Variants in PCDH15 observed in about 807,000 individuals in gnomAD.
PCDH15 encodes the protein protocadherin related 15, also known as protocadherin-15.
PCDH15 carries 129 observed loss-of-function variants against 178.5 expected under a neutral mutation model. The ratio of observed to expected loss-of-function variants is 0.72; its 90% CI spans 0.63 to 0.84. The LOEUF (loss-of-function observed/expected upper bound fraction) is 0.84. Among genes scored for constraint, PCDH15 ranks in the 40% least tolerant of loss-of-function variants. The pLI, the probability that PCDH15 is intolerant of heterozygous loss-of-function variation, is 0.00. For synonymous variants in PCDH15, 800 were observed against 732.0 expected (o/e 1.09, Z -1.50); for missense variants, 2,230 against 2,099.9 (o/e 1.06, Z -1.21).
chr10:54,743,140 A>T (rs1329764019), intron 1 of PCDH15, among the ~76,000 whole-genome samples: 1 of 152,052 alleles, frequency 6.6e-6, no homozygotes, highest in East Asian at 1.9e-4. Flanking sequence ...ATGGAATGGC[A>T]AGTGAAAATC....
chr10:54,254,302 T>C (rs910963348), intron 8 of PCDH15, among the ~76,000 whole-genome samples: 1 of 152,126 alleles, frequency 6.6e-6, no homozygotes, highest in Non-Finnish European at 1.5e-5. Context: ...AAAACAGCAA[T>C]GCTAAAAATA....
intron 6 of PCDH15, 61 bp downstream of exon 6, chr10:54,346,304 G>GA (rs1416147791): frequency 1.0e-5 from 16 of 1,526,816 alleles, no homozygotes; most frequent in Admixed American, 1.7e-5. Flanking sequence ...ACTATCAGCT[G>GA]AAAAAATCAT....
At chr10:55,307,826 TA>T (rs1937357210) in intron 1 of PCDH15, among the ~76,000 whole-genome samples, 1 of 151,244 alleles carries the variant, frequency 6.6e-6, no homozygotes, top group African/African-American at 2.4e-5. Flanking sequence ...TCCTACTAAT[TA>T]TTTTTGATTT....
At chr10:54,141,458 A>G (rs2043401077) in intron 14 of PCDH15, among the ~76,000 whole-genome samples, 1 of 152,224 alleles carries the variant, frequency 6.6e-6, no homozygotes, top group African/African-American at 2.4e-5. Flanking sequence ...AAGTGTTTAA[A>G]TGATGTTTAT....
At chr10:54,296,436 C>T (rs962519767) in intron 8 of PCDH15, among the ~76,000 whole-genome samples, 13 of 152,114 alleles carry the variant, frequency 8.5e-5, no homozygotes, top group African/African-American at 2.9e-4. Flanking sequence ...TCTCTCCTAT[C>T]TATCCTGACC....
At chr10:54,273,785 A>G (rs2058184005) in intron 8 of PCDH15, among the ~76,000 whole-genome samples, 1 of 152,108 alleles carries the variant, frequency 6.6e-6, no homozygotes, top group Non-Finnish European at 1.5e-5. Flanking sequence ...TTGCAATTTT[A>G]GAGGATAACA....
At position 54,228,103 on chromosome 10, in the gene PCDH15, G is replaced by T. The variant is rs186669859; in HGVS notation, c.985+8720C>A. Among the ~76,000 whole-genome samples the T allele has an allele frequency of 1.4e-3, 214 of 152,154 alleles. 1 individual carries two copies. The highest frequency in any genetic ancestry group is 5.0e-3 in the African/African-American group (207 of 41,534). ...TCCAAAGTCGTTTCTGCATTTTTGG[G>T]TCTCTTTTCAGCAACACCCCACTCC... is the stretch of plus-strand genomic sequence containing the variant. On this transcript the variant is annotated intron_variant, in intron 9 of 37. Coordinates refer to ENST00000644397, the MANE Select transcript of PCDH15 (RefSeq NM_001384140.1).
intron 19 of PCDH15, among the ~76,000 whole-genome samples, chr10:54,022,385 G>A (rs796578914): frequency 2.6e-5 from 4 of 152,070 alleles, no homozygotes; most frequent in African/African-American, 9.6e-5. Context: ...GTAAAATAGA[G>A]GGGAAACCAA....
At chr10:54,381,805 G>T (rs760552768) in intron 3 of PCDH15, among the ~76,000 whole-genome samples, 1 of 151,994 alleles carries the variant, frequency 6.6e-6, no homozygotes, top group Non-Finnish European at 1.5e-5. Flanking sequence ...TTCAGAAAAT[G>T]GAATTAAATT....
chr10:55,077,498 C>T (rs1479711363), intron 2 of PCDH15, among the ~76,000 whole-genome samples: 2 of 141,382 alleles, frequency 1.4e-5, no homozygotes, highest in Non-Finnish European at 1.5e-5. Flanking sequence ...TCCTTCTTTC[C>T]TTTCCTTCCT....
At chr10:54,272,614 A>G (rs2058115130) in intron 8 of PCDH15, among the ~76,000 whole-genome samples, 1 of 152,142 alleles carries the variant, frequency 6.6e-6, no homozygotes, top group African/African-American at 2.4e-5. Context: ...ACAATTTAAT[A>G]ATGCAGTCAA....
intron 32 of PCDH15, chr10:53,822,040 C>T (rs2076303863): frequency 6.2e-7 from 1 of 1,614,054 alleles, no homozygotes; most frequent in Non-Finnish European, 8.5e-7. Context: ...ATGTTAGCTA[C>T]TGATTTTTCA....
At chr10:54,128,887 A>G (rs1052895050) in intron 15 of PCDH15, among the ~76,000 whole-genome samples, 3 of 152,186 alleles carry the variant, frequency 2.0e-5, no homozygotes, top group Non-Finnish European at 4.4e-5. Flanking sequence ...ATTTACCCCA[A>G]TATAACATCA....
intron 2 of PCDH15, among the ~76,000 whole-genome samples, chr10:55,160,627 C>T (rs1839040675): frequency 6.6e-6 from 1 of 152,090 alleles, no homozygotes; most frequent in South Asian, 2.1e-4. Flanking sequence ...TTCTTCAGCA[C>T]CTTTGCATTT....
chr10:55,027,862 C>T (rs1198136894), intron 2 of PCDH15, among the ~76,000 whole-genome samples: 1 of 151,768 alleles, frequency 6.6e-6, no homozygotes, highest in East Asian at 1.9e-4. Context: ...TTTCAATATA[C>T]TGATTCATTC....
intron 28 of PCDH15, among the ~76,000 whole-genome samples, chr10:53,850,971 C>T (rs1230075146): frequency 2.0e-5 from 3 of 152,076 alleles, no homozygotes; most frequent in Non-Finnish European, 4.4e-5. Flanking sequence ...CTTTCCATCT[C>T]ACACAGAATA....
At chr10:54,725,533 A>AATATATTTATATAT (rs1942353008) in intron 1 of PCDH15, among the ~76,000 whole-genome samples, 2 of 128,002 alleles carry the variant, frequency 1.6e-5, no homozygotes, top group Non-Finnish European at 3.7e-5. Context: ...TGTTTATATA[A>AATATATTTATATAT]ATATAATTAT....
intron 3 of PCDH15, among the ~76,000 whole-genome samples, chr10:54,852,668 T>C (rs920479989): frequency 6.6e-6 from 1 of 151,564 alleles, no homozygotes; most frequent in Non-Finnish European, 1.5e-5. Flanking sequence ...TTGGCTAAGA[T>C]GGTGAAACCC....
chr10:54,420,295 A>T lies in PCDH15; in HGVS notation c.158-41353T>A, dbSNP rs755246314. Among the ~76,000 whole-genome samples the T allele has an allele frequency of 2.0e-5, 3 of 152,070 alleles. No homozygotes were observed. In the East Asian group the frequency reaches 5.8e-4, roughly 29 times the overall value. On this transcript the variant is annotated intron_variant, in intron 3 of 37. Transcript: ENST00000644397. ...CCTTGTCTTGTGGAGCTTGTATTTT[A>T]CTTCATGAGAAATGCCAAAGATATG...
Sources: gnomAD v4.1 joint callset for allele counts (sites outside exome capture counted in the v4.1 genomes callset) on GRCh38, gnomAD v4.1.1 for gene constraint, MANE v1.5 for transcripts, NCBI Gene and HGNC (gene_info 2026-07-23, HGNC 2026-07-21) for gene names.